The following ZNF185 variants were observed in gnomAD, a reference collection of about 807,000 sequenced individuals.
ZNF185 encodes the protein zinc finger protein 185 with LIM domain.
In ZNF185, 56 loss-of-function variants were observed where a neutral mutation model predicts 58.6. The observed-to-expected ratio is 0.95, with a 90% confidence interval of 0.77 to 1.19. The LOEUF (loss-of-function observed/expected upper bound fraction) is 1.19, where lower values mean the gene tolerates loss of function less well. ZNF185 is among the 50% of genes most tolerant of loss of function. ZNF185 has a pLI of 0.00. For synonymous variants in ZNF185, 230 were observed against 215.9 expected, an observed-to-expected ratio of 1.07 and a Z score of -0.57; for missense variants, 627 against 573.5, an observed-to-expected ratio of 1.09 and a Z score of -0.95.
At chrX:152,933,985 C>A (rs782275012) in intron 14 of ZNF185, among the ~76,000 whole-genome samples, 20 of 112,817 alleles carry the variant, frequency 1.8e-4, no homozygotes, top group Middle Eastern at 4.6e-3. Flanking sequence ...TGTCTCCGAG[C>A]AGGTCCAAGG....
intron 17 of ZNF185, among the ~76,000 whole-genome samples, chrX:152,962,773 C>A (rs1266368914): frequency 3.6e-5 from 4 of 112,531 alleles, no homozygotes; most frequent in African/African-American, 1.3e-4. Context: ...GCCTGGAAGT[C>A]CAGGGGAACT....
chrX:152,966,699 T>G (rs1226902447), intron 19 of ZNF185, among the ~76,000 whole-genome samples: 3 of 112,049 alleles, frequency 2.7e-5, no homozygotes, highest in Non-Finnish European at 1.9e-5. Flanking sequence ...CACAGAGTTA[T>G]GCAAACATCA....
chrX:152,930,964 C>A (rs1270845956), intron 12 of ZNF185, among the ~76,000 whole-genome samples: 1 of 111,624 alleles, frequency 9.0e-6, no homozygotes, highest in Non-Finnish European at 1.9e-5. Flanking sequence ...CCCAGCTACT[C>A]CTCTTATTAC....
intron 14 of ZNF185, 147 bp from the exon 17 acceptor site, chrX:152,937,927 C>G (rs781920189): frequency 1.4e-5 from 7 of 508,422 alleles, no homozygotes; most frequent in Non-Finnish European, 2.3e-5. Flanking sequence ...GGCATCGGTG[C>G]CACACTAATG....
the ZNF185 span, among the ~76,000 whole-genome samples, chrX:152,908,359 C>T: frequency 2.0e-4 from 23 of 112,899 alleles, no homozygotes; most frequent in Middle Eastern, 4.6e-3. Context: ...ATCTTCTTGG[C>T]AGGGTAAATG....
At position 152,953,130 on chromosome X, in the gene ZNF185, T is replaced by A. The variant is rs16996788; in HGVS notation, c.1410-6569T>A. ...CTAGACAAGGTGTCAAGGGAAACAATGAGGCCTCACAAAAGAGCCAGGAAT... is the reference window on the plus strand; with the variant it reads ...CTAGACAAGGTGTCAAGGGAAACAAAGAGGCCTCACAAAAGAGCCAGGAAT... On this transcript the variant is annotated intron_variant, in intron 16 of 22. Transcript: ENST00000449285. Among the ~76,000 whole-genome samples, 1,099 of 111,119 alleles carry A rather than the reference T, an allele frequency of 9.9e-3. 12 individuals are homozygous for A. The highest frequency in any genetic ancestry group is 0.035 in the African/African-American group (1,058 of 30,527).
At chrX:152,907,663 G>A in the ZNF185 span, among the ~76,000 whole-genome samples, 1 of 113,131 alleles carries the variant, frequency 8.8e-6, no homozygotes, top group Non-Finnish European at 1.9e-5. Flanking sequence ...AGTTGGACTT[G>A]GCCCTGAACT....
intron 17 of ZNF185, among the ~76,000 whole-genome samples, chrX:152,962,838 C>T (rs782371973): frequency 2.5e-4 from 28 of 112,616 alleles, no homozygotes; most frequent in Middle Eastern, 4.6e-3. Flanking sequence ...GACTATGAGG[C>T]GAGAGAGCTA....
intron 16 of ZNF185, among the ~76,000 whole-genome samples, chrX:152,956,886 TAATC>T (rs1429803609): frequency 8.9e-6 from 1 of 112,557 alleles, no homozygotes; most frequent in Admixed American, 9.4e-5. Context: ...TATTCAATCT[TAATC>T]AGTTTGAACA....
chrX:152,957,095 G>A (rs1375294570), intron 16 of ZNF185, among the ~76,000 whole-genome samples: 4 of 105,023 alleles, frequency 3.8e-5, no homozygotes, highest in African/African-American at 1.1e-4. Context: ...TTTTTGAGAC[G>A]GAGTCTTGTT....
intron 19 of ZNF185, 129 bp downstream of exon 21, chrX:152,965,656 G>T: frequency 1.9e-6 from 1 of 530,430 alleles, no homozygotes; most frequent in South Asian, 3.5e-5. Flanking sequence ...TCGAGTGGAT[G>T]AGTGATGTAG....
At chrX:152,915,818 T>G (rs1938338030) in intron 3 of ZNF185, among the ~76,000 whole-genome samples, 1 of 112,357 alleles carries the variant, frequency 8.9e-6, no homozygotes, top group African/African-American at 3.2e-5. Flanking sequence ...GAGGAACTGC[T>G]CCTGACAGAG....
rs201417026 is a variant in ZNF185 at position 152,938,094 on chromosome X, C to T, written c.1142C>T (p.Ser381Phe). ...CTCAGCTCCAGTGCCACTTCAGTCT[C>T]TGCTGTCCCTGCTGATAGGAAGAGC... Residue 381 changes from serine (S) to phenylalanine (F), a missense_variant, in exon 15 of 23, where the codon TCT (serine) becomes TTT (phenylalanine). Coordinates refer to ENST00000449285, the Ensembl canonical transcript of ZNF185. The T allele has an allele frequency of 4.0e-5, 47 of 1,179,023 alleles. 1 individual carries two copies. The South Asian group carries it at 5.9e-4, about 15-fold the overall frequency.
chrX:152,935,069 C>T (rs1158852556), intron 14 of ZNF185, among the ~76,000 whole-genome samples: 8 of 111,407 alleles, frequency 7.2e-5, no homozygotes, highest in Non-Finnish European at 1.3e-4. Flanking sequence ...AGCAGTCCAC[C>T]GACCTCAGCC....
chrX:152,945,920 G>A (rs1556894764), intron 16 of ZNF185, among the ~76,000 whole-genome samples: 1 of 112,109 alleles, frequency 8.9e-6, no homozygotes, highest in Non-Finnish European at 1.9e-5. Flanking sequence ...AGGCCAGAGG[G>A]AGAGAAAGGG....
At chrX:152,963,900 C>T in exon 18 of ZNF185, 1 of 1,211,870 alleles carries the variant, frequency 8.3e-7, no homozygotes, top group Non-Finnish European at 1.1e-6. Context: ...TGAGCAGCCT[C>T]ACATTTATAT....
upstream of ZNF185, among the ~76,000 whole-genome samples, chrX:152,911,644 A>ATCCCATCCCATCCC (rs1556861641): frequency 3.8e-4 from 7 of 18,638 alleles, no homozygotes; most frequent in Non-Finnish European, 5.9e-4. Flanking sequence ...ATCCCATCCC[A>ATCCCATCCCATCCC]TCCCATCCCA....
At chrX:152,907,100 T>A in the ZNF185 span, among the ~76,000 whole-genome samples, 2 of 111,339 alleles carry the variant, frequency 1.8e-5, no homozygotes, top group African/African-American at 6.5e-5. Flanking sequence ...TCTGAGTTAG[T>A]CCTCTCATCT....
intron 15 of ZNF185, among the ~76,000 whole-genome samples, chrX:152,942,507 T>G (rs1390106907): frequency 8.9e-6 from 1 of 112,390 alleles, no homozygotes; most frequent in Non-Finnish European, 1.9e-5. Context: ...CATTTAAACC[T>G]GCGAGCTAAG....
Sources: allele counts gnomAD v4.1 joint callset (sites outside exome capture counted in the v4.1 genomes callset), GRCh38; gene constraint gnomAD v4.1.1; transcripts MANE v1.5; gene names NCBI Gene and HGNC (gene_info 2026-07-23, HGNC 2026-07-21).